Variants in OR9Q1 observed in about 807,000 individuals in gnomAD.
The protein encoded by OR9Q1 is olfactory receptor family 9 subfamily Q member 1.
For missense variants in OR9Q1, 374 were observed against 378.8 expected (o/e 0.99, Z 0.11); for synonymous variants, 153 against 148.6 (o/e 1.03, Z -0.22).
chr11:58,106,212 T>C (rs1488996554), intron 2 of OR9Q1, among the ~76,000 whole-genome samples: 2 of 151,670 alleles, frequency 1.3e-5, no homozygotes, highest in African/African-American at 4.8e-5. Context: ...TGGTATCTCA[T>C]TGTAGTTTTG....
At chr11:58,100,346 T>C (rs998828112) in intron 2 of OR9Q1, among the ~76,000 whole-genome samples, 5 of 152,240 alleles carry the variant, frequency 3.3e-5, no homozygotes, top group African/African-American at 1.2e-4. Context: ...GAGTTAATTT[T>C]ATACCATTTC....
chr11:58,071,919 G>A (rs977105007), intron 2 of OR9Q1, among the ~76,000 whole-genome samples: 13 of 152,226 alleles, frequency 8.5e-5, no homozygotes, highest in Middle Eastern at 3.4e-3. Flanking sequence ...GAGGGTGGAG[G>A]GTAGGAGGAG....
chr11:58,142,267 C>T (rs1471391874), intron 2 of OR9Q1, among the ~76,000 whole-genome samples: 1 of 152,062 alleles, frequency 6.6e-6, no homozygotes, highest in Non-Finnish European at 1.5e-5. Flanking sequence ...CGAGAATGAG[C>T]ATGAAGGCAG....
At chr11:58,136,937 C>T (rs1854194786) in intron 2 of OR9Q1, among the ~76,000 whole-genome samples, 1 of 152,304 alleles carries the variant, frequency 6.6e-6, no homozygotes, top group South Asian at 2.1e-4. Context: ...TTTTCATTTT[C>T]TCGCTTGAGC....
At chr11:58,054,664 C>T (rs1157607385) in intron 1 of OR9Q1, among the ~76,000 whole-genome samples, 2 of 152,172 alleles carry the variant, frequency 1.3e-5, no homozygotes, top group African/African-American at 2.4e-5. Flanking sequence ...CCAGGTGTGG[C>T]GGCTCATGCC....
At chr11:58,146,375 A>G (rs2119883807) in intron 2 of OR9Q1, among the ~76,000 whole-genome samples, 1 of 152,314 alleles carries the variant, frequency 6.6e-6, no homozygotes, top group East Asian at 1.9e-4. Context: ...CCTGGGAAAT[A>G]TCTCCATGGA....
At chr11:58,081,793 C>CTTTTTTTTTTTTTTT (rs201892501) in intron 2 of OR9Q1, among the ~76,000 whole-genome samples, 1 of 128,152 alleles carries the variant, frequency 7.8e-6, no homozygotes, top group African/African-American at 3.0e-5. Context: ...ATGATAGTTT[C>CTTTTTTTTTTTTTTT]TTTTTTTTTT....
chr11:58,091,788 T>C (rs1207632621), intron 2 of OR9Q1, among the ~76,000 whole-genome samples: 1 of 152,128 alleles, frequency 6.6e-6, no homozygotes, highest in Non-Finnish European at 1.5e-5. Flanking sequence ...TCTCTTTGTA[T>C]GTCTCTAAGA....
chr11:58,076,965 T>G (rs1386874228), intron 2 of OR9Q1, among the ~76,000 whole-genome samples: 1 of 152,124 alleles, frequency 6.6e-6, no homozygotes, highest in Non-Finnish European at 1.5e-5. Flanking sequence ...TAGTGAAAAT[T>G]TTCAGGATAA....
At chr11:58,134,265 T>G (rs2514188) in intron 2 of OR9Q1, among the ~76,000 whole-genome samples, 150,822 of 152,310 alleles carry the variant, frequency 0.99, 74,691 homozygotes, top group East Asian at 1. Context: ...CAGAGAGCAC[T>G]AGTAGCTCTG....
At chr11:58,037,692 T>C (rs1565056520) in intron 1 of OR9Q1, among the ~76,000 whole-genome samples, 2 of 5,834 alleles carry the variant, frequency 3.4e-4, no homozygotes, top group Non-Finnish European at 5.6e-4. Flanking sequence ...TATATATATT[T>C]TTTTTTTTTT....
chr11:58,117,451 T>C (rs996384477), intron 2 of OR9Q1: 3 of 152,162 alleles, frequency 2.0e-5, no homozygotes, highest in Non-Finnish European at 4.4e-5. Flanking sequence ...CCATTTGCCA[T>C]AGAGTTGCCA....
intron 1 of OR9Q1, among the ~76,000 whole-genome samples, chr11:58,053,425 A>T (rs1396754511): frequency 8.9e-6 from 1 of 112,896 alleles, no homozygotes; most frequent in Non-Finnish European, 1.7e-5. Context: ...AGGAAGGGGC[A>T]CATCACACTC....
intron 2 of OR9Q1, among the ~76,000 whole-genome samples, chr11:58,061,979 C>T (rs1590565304): frequency 1.3e-5 from 2 of 152,230 alleles, no homozygotes; most frequent in South Asian, 2.1e-4. Flanking sequence ...GTGAGTGGTA[C>T]GTGAGCAACA....
At chr11:58,037,716 T>TAG (rs1853121476) in intron 1 of OR9Q1, among the ~76,000 whole-genome samples, 1 of 27,506 alleles carries the variant, frequency 3.6e-5, no homozygotes, top group African/African-American at 1.4e-4. Context: ...TTTTTTTTTT[T>TAG]TTTTTTTTTT....
chr11:58,087,541 ATTC>A (rs1322597182), intron 2 of OR9Q1, among the ~76,000 whole-genome samples: 2 of 151,884 alleles, frequency 1.3e-5, no homozygotes, highest in Non-Finnish European at 2.9e-5. Context: ...AACGAAGGAT[ATTC>A]TTCTTAATTA....
rs1330599763 is a variant in OR9Q1, at chr11:58,076,584, A to G, written c.-15+20637A>G. 2.6e-5 allele frequency among the ~76,000 whole-genome samples: 4 copies of G among 152,188 alleles called. No homozygotes were observed. In the East Asian group the frequency reaches 5.8e-4, roughly 22 times the overall value. On this transcript the variant is annotated intron_variant, in intron 2 of 2. Coordinates refer to ENST00000335397, the MANE Select transcript of OR9Q1 (RefSeq NM_001005212.4). Reference sequence around the variant, plus strand: ...CTCACTGACTTTTGGCTTATATTCTAAAGGTGAGATAATGACAGAACTTTG... The same window carrying G: ...CTCACTGACTTTTGGCTTATATTCTGAAGGTGAGATAATGACAGAACTTTG...
intron 2 of OR9Q1, among the ~76,000 whole-genome samples, chr11:58,147,090 G>T (rs746793820): frequency 6.6e-6 from 1 of 152,192 alleles, no homozygotes; most frequent in Non-Finnish European, 1.5e-5. Context: ...GCATCCCAGT[G>T]CATGGCATTT....
At chr11:58,084,228 T>G (rs1278580528) in intron 2 of OR9Q1, among the ~76,000 whole-genome samples, 1 of 151,928 alleles carries the variant, frequency 6.6e-6, no homozygotes, top group East Asian at 1.9e-4. Context: ...TTATTATAAA[T>G]GGGATTATGT....
Sources: gnomAD v4.1 joint callset for allele counts (sites outside exome capture counted in the v4.1 genomes callset) on GRCh38, gnomAD v4.1.1 for gene constraint, MANE v1.5 for transcripts, NCBI Gene and HGNC (gene_info 2026-07-23, HGNC 2026-07-21) for gene names.